The following CSMD1 variants were observed in gnomAD, a reference collection of about 807,000 sequenced individuals.
CSMD1 encodes the protein CUB and Sushi multiple domains 1.
In CSMD1, 213 loss-of-function variants were observed where a neutral mutation model predicts 417.5. The ratio of observed to expected loss-of-function variants is 0.51; its 90% confidence interval spans 0.46 to 0.57. The LOEUF is 0.57. Ranked by LOEUF, CSMD1 falls within the 20% of genes least tolerant of loss-of-function variation. The probability of loss-of-function intolerance (pLI) is 0.00; values close to 1 mark genes in which losing one functional copy is unlikely to be tolerated. For synonymous variants in CSMD1, 2,862 were observed against 1,736.8 expected (o/e 1.65, Z -16.11); for missense variants, 6,923 against 4,529.7 (o/e 1.53, Z -15.17).
chr8:4,173,437 A>G (rs7002121), intron 3 of CSMD1, among the ~76,000 whole-genome samples: 45,388 of 151,734 alleles, frequency 0.3, 7,312 homozygotes, highest in South Asian at 0.42. Context: ...AGGTCACCAG[A>G]GGACGTTACT....
intron 1 of CSMD1, among the ~76,000 whole-genome samples, chr8:4,674,874 C>T (rs1456948272): frequency 2.0e-5 from 3 of 152,068 alleles, no homozygotes; most frequent in Admixed American, 6.6e-5. Context: ...CTTTACATGA[C>T]GTTAGAAGGT....
At position 4,169,766 on chromosome 8, in the gene CSMD1, G is replaced by A. The variant is rs377290708; in HGVS notation, c.416-137667C>T. ...AAACGCCCCCTTGAGGACTATTCATGGGATGCTTCTTTACCGTTAAACGTA... is the reference window on the plus strand; with the variant it reads ...AAACGCCCCCTTGAGGACTATTCATAGGATGCTTCTTTACCGTTAAACGTA... On this transcript the variant is annotated intron_variant, in intron 3 of 69. Transcript: ENST00000635120. 1.7e-4 allele frequency among the ~76,000 whole-genome samples: 26 copies of A among 152,186 alleles called. No homozygotes were observed. The East Asian group carries it at 2.7e-3, about 16-fold the overall frequency.
intron 3 of CSMD1, among the ~76,000 whole-genome samples, chr8:4,144,505 C>T (rs534192102): frequency 6.6e-6 from 1 of 151,084 alleles, no homozygotes; most frequent in Non-Finnish European, 1.5e-5. Flanking sequence ...GGGCTCCAGT[C>T]TAAATGCTTC....
intron 57 of CSMD1, among the ~76,000 whole-genome samples, chr8:2,971,399 G>A (rs747581371): frequency 1.3e-5 from 2 of 152,138 alleles, no homozygotes; most frequent in South Asian, 2.1e-4. Flanking sequence ...TGAACTTGAC[G>A]TTTCTTCGTG....
At chr8:3,887,750 C>G (rs1806662785) in intron 5 of CSMD1, among the ~76,000 whole-genome samples, 1 of 152,194 alleles carries the variant, frequency 6.6e-6, no homozygotes, top group Non-Finnish European at 1.5e-5. Context: ...ACTCAGATTA[C>G]TGTAATATCT....
At chr8:3,099,942 G>A (rs1815610562) in intron 46 of CSMD1, among the ~76,000 whole-genome samples, 1 of 152,060 alleles carries the variant, frequency 6.6e-6, no homozygotes, top group African/African-American at 2.4e-5. Context: ...TTTATCATTT[G>A]TATCATTTTT....
intron 6 of CSMD1, among the ~76,000 whole-genome samples, chr8:3,749,345 G>C (rs149471530): frequency 4.1e-4 from 62 of 152,168 alleles, no homozygotes; most frequent in African/African-American, 1.5e-3. Flanking sequence ...TACTACTTTT[G>C]TTCACAATGT....
chr8:3,581,879 A>G (rs1448117311), intron 9 of CSMD1, among the ~76,000 whole-genome samples: 3 of 152,038 alleles, frequency 2.0e-5, no homozygotes, highest in Non-Finnish European at 2.9e-5. Flanking sequence ...ATCTCTGCTT[A>G]CTGCAACCGC....
At chr8:4,445,547 G>A (rs114421250) in intron 2 of CSMD1, among the ~76,000 whole-genome samples, 31 of 152,294 alleles carry the variant, frequency 2.0e-4, no homozygotes, top group African/African-American at 7.0e-4. Context: ...TAGCTTGTGT[G>A]ATAAAAATGG....
chr8:3,815,615 T>C (rs1801326166), intron 5 of CSMD1, among the ~76,000 whole-genome samples: 1 of 126,202 alleles, frequency 7.9e-6, no homozygotes, highest in Non-Finnish European at 1.6e-5. Context: ...TGTCTATCAC[T>C]GCTAGACTTT....
intron 3 of CSMD1, among the ~76,000 whole-genome samples, chr8:4,240,222 C>T (rs528945101): frequency 5.9e-5 from 9 of 152,240 alleles, no homozygotes; most frequent in East Asian, 1.9e-4. Flanking sequence ...GGCTGCAGAG[C>T]GTAGCTTGTG....
At chr8:3,381,177 C>G (rs1341753612) in intron 18 of CSMD1, among the ~76,000 whole-genome samples, 1 of 151,998 alleles carries the variant, frequency 6.6e-6, no homozygotes, top group African/African-American at 2.4e-5. Flanking sequence ...AGTACTACAA[C>G]TTTTCAATCT....
chr8:4,683,378 T>A (rs1367688213), intron 1 of CSMD1, among the ~76,000 whole-genome samples: 12 of 152,150 alleles, frequency 7.9e-5, no homozygotes, highest in Admixed American at 7.9e-4. Flanking sequence ...GAAACCCTCT[T>A]GCTCTCCTTT....
chr8:4,640,862 TAAAA>T (rs58055126), intron 1 of CSMD1, among the ~76,000 whole-genome samples: 8,952 of 129,710 alleles, frequency 0.069, 436 homozygotes, highest in African/African-American at 0.14. Flanking sequence ...TAATTATTGC[TAAAA>T]AAAAAAAAAA....
chr8:3,915,420 A>C (rs867093797), intron 5 of CSMD1, among the ~76,000 whole-genome samples: 6 of 150,092 alleles, frequency 4.0e-5, no homozygotes. Context: ...AAAAAAAAAA[A>C]AAAAAAAAGA....
chr8:3,337,894 A>G (rs1359290064), intron 23 of CSMD1, among the ~76,000 whole-genome samples: 1 of 152,170 alleles, frequency 6.6e-6, no homozygotes, highest in Non-Finnish European at 1.5e-5. Flanking sequence ...ACTTCTGCCA[A>G]TATACCCTGG....
At chr8:3,590,572 G>A (rs1013418390) in intron 8 of CSMD1, among the ~76,000 whole-genome samples, 1 of 152,170 alleles carries the variant, frequency 6.6e-6, no homozygotes, top group Non-Finnish European at 1.5e-5. Context: ...TGAGAGTACA[G>A]TATAGAACAC....
At chr8:3,068,703 G>A (rs1469230176) in intron 49 of CSMD1, among the ~76,000 whole-genome samples, 1 of 152,104 alleles carries the variant, frequency 6.6e-6, no homozygotes, top group Non-Finnish European at 1.5e-5. Flanking sequence ...GCAAGACAGA[G>A]TTGAGGGGGA....
chr8:4,283,611 A>T (rs1357158165), intron 3 of CSMD1, among the ~76,000 whole-genome samples: 7 of 152,208 alleles, frequency 4.6e-5, no homozygotes, highest in Non-Finnish European at 7.3e-5. Flanking sequence ...CCTTGGGGAC[A>T]CGAAACTTTC....
Sources: allele counts gnomAD v4.1 joint callset (sites outside exome capture counted in the v4.1 genomes callset), GRCh38; gene constraint gnomAD v4.1.1; transcripts MANE v1.5; gene names NCBI Gene and HGNC (gene_info 2026-07-23, HGNC 2026-07-21).